The following RGS7 variants were observed in gnomAD, a reference collection of about 807,000 sequenced individuals.
RGS7 encodes the protein regulator of G protein signaling 7.
Under a neutral mutation model 81.1 loss-of-function variants are expected in RGS7, and 27 were observed. That is an observed-to-expected ratio of 0.33 (90% CI 0.25 to 0.46). The LOEUF is 0.46. Among genes scored for constraint, RGS7 ranks in the 20% least tolerant of loss-of-function variants. RGS7 has a pLI of 1.00. For synonymous variants in RGS7, 208 were observed against 207.7 expected, an observed-to-expected ratio of 1.00 and a Z score of -0.01; for missense variants, 396 against 607.4, an observed-to-expected ratio of 0.65 and a Z score of 3.66.
chr1:240,849,660 A>T (rs1337549017), intron 9 of RGS7, among the ~76,000 whole-genome samples: 1 of 151,910 alleles, frequency 6.6e-6, no homozygotes, highest in East Asian at 1.9e-4. Context: ...TGGTTGTTTA[A>T]AAGTGTGTGG....
intron 2 of RGS7, among the ~76,000 whole-genome samples, chr1:241,128,276 C>CAAAA (rs58934562): frequency 8.7e-6 from 1 of 115,236 alleles, no homozygotes; most frequent in African/African-American, 3.1e-5. Flanking sequence ...GACTCCGTCT[C>CAAAA]AAAAAAAAAA....
intron 4 of RGS7, among the ~76,000 whole-genome samples, chr1:240,967,723 C>A (rs187603890): frequency 3.3e-4 from 50 of 152,198 alleles, no homozygotes; most frequent in African/African-American, 1.1e-3. Flanking sequence ...AATGATAAAG[C>A]CAGAGTGGGC....
intron 9 of RGS7, among the ~76,000 whole-genome samples, chr1:240,838,624 A>C (rs1432135268): frequency 6.6e-6 from 1 of 152,142 alleles, no homozygotes; most frequent in Non-Finnish European, 1.5e-5. Context: ...AAGAGCCAAA[A>C]TTTTATTTTC....
At chr1:241,302,870 C>A (rs2079857357) in intron 2 of RGS7, among the ~76,000 whole-genome samples, 1 of 151,602 alleles carries the variant, frequency 6.6e-6, no homozygotes, top group Non-Finnish European at 1.5e-5. Context: ...GCATTCTTTT[C>A]TTTCTTTCTT....
intron 4 of RGS7, among the ~76,000 whole-genome samples, chr1:240,977,804 T>G (rs1176215635): frequency 6.6e-6 from 1 of 152,198 alleles, no homozygotes; most frequent in Non-Finnish European, 1.5e-5. Flanking sequence ...CAAAAACAGC[T>G]GCAGTGGGGC....
chr1:241,034,822 G>C (rs1327486554), intron 3 of RGS7, among the ~76,000 whole-genome samples: 1 of 152,054 alleles, frequency 6.6e-6, no homozygotes, highest in Non-Finnish European at 1.5e-5. Flanking sequence ...CTGAACAATG[G>C]GAAATTTACA....
At chr1:240,934,697 T>C (rs1163445762) in intron 5 of RGS7, among the ~76,000 whole-genome samples, 1 of 152,140 alleles carries the variant, frequency 6.6e-6, no homozygotes, top group Non-Finnish European at 1.5e-5. Flanking sequence ...TATGTATAGA[T>C]AGTTTATTTT....
chr1:241,134,536 G>A (rs2067351916), intron 2 of RGS7, among the ~76,000 whole-genome samples: 1 of 152,196 alleles, frequency 6.6e-6, no homozygotes, highest in Non-Finnish European at 1.5e-5. Context: ...TACTGAATTA[G>A]AAGGAAATCT....
At chr1:240,775,078 T>C (rs528648259), downstream of RGS7, among the ~76,000 whole-genome samples, 1 of 152,310 alleles carries the variant, frequency 6.6e-6, no homozygotes, top group East Asian at 1.9e-4. Flanking sequence ...GAGGTGACTG[T>C]ATTCTCAAAA....
chr1:241,335,764 G>A (rs1228709933), intron 2 of RGS7, among the ~76,000 whole-genome samples: 2 of 152,078 alleles, frequency 1.3e-5, no homozygotes, highest in African/African-American at 4.8e-5. Flanking sequence ...GGGGCTGCAG[G>A]AGAAGCCTTG....
At chr1:241,231,645 C>T (rs1558215771) in intron 2 of RGS7, among the ~76,000 whole-genome samples, 1 of 152,086 alleles carries the variant, frequency 6.6e-6, no homozygotes, top group East Asian at 1.9e-4. Flanking sequence ...AGGCGTGAGC[C>T]ACCATGCCTG....
chr1:241,297,036 C>T (rs934461513), intron 2 of RGS7, among the ~76,000 whole-genome samples: 1 of 151,908 alleles, frequency 6.6e-6, no homozygotes, highest in African/African-American at 2.4e-5. Flanking sequence ...CCTGTAAAGA[C>T]AAACTTGCTG....
chr1:240,946,714 T>G (rs1470860697), intron 4 of RGS7, among the ~76,000 whole-genome samples: 1 of 152,120 alleles, frequency 6.6e-6, no homozygotes, highest in Admixed American at 6.6e-5. Context: ...AGAATTCAAA[T>G]AAATTCTAGG....
chr1:241,276,844 A>G (rs1558265114), intron 2 of RGS7, among the ~76,000 whole-genome samples: 1 of 152,214 alleles, frequency 6.6e-6, no homozygotes, highest in East Asian at 1.9e-4. Flanking sequence ...TCTTGAATAA[A>G]CAAGTCTATT....
chr1:240,948,686 G>T (rs1281944319), intron 4 of RGS7, among the ~76,000 whole-genome samples: 6 of 151,818 alleles, frequency 4.0e-5, no homozygotes, highest in South Asian at 4.1e-4. Flanking sequence ...CAGGTGATCC[G>T]CCTGCCTCAG....
In RGS7 at chr1:240,984,025, C is replaced by A. The variant is rs953362036; in HGVS notation, c.176-896G>T. Among the ~76,000 whole-genome samples, 5 of 151,956 alleles carry A rather than the reference C, an allele frequency of 3.3e-5. No homozygotes were observed. The South Asian group carries it at 6.2e-4, about 19-fold the overall frequency. On this transcript the variant is annotated intron_variant, in intron 3 of 18. Coordinates refer to ENST00000440928, the MANE Select transcript of RGS7 (RefSeq NM_001364886.1). The stretch of plus-strand genomic sequence containing the variant: ...GAAATTTAGTTGCTGAAGGGGCCTA[C>A]GTAAAAACTAAAAGGTGGAAAAGCA...
intron 2 of RGS7, among the ~76,000 whole-genome samples, chr1:241,259,667 A>AAAAAAAAAATATAT: frequency 1.4e-4 from 7 of 49,142 alleles, no homozygotes; most frequent in Admixed American, 3.8e-4. Context: ...AAAAAAAAAA[A>AAAAAAAAAATATAT]ATATATATAT....
intron 5 of RGS7, among the ~76,000 whole-genome samples, chr1:240,935,860 G>A (rs1013350586): frequency 6.6e-6 from 1 of 152,198 alleles, no homozygotes. Flanking sequence ...AAATGGATTA[G>A]AGTTTGACAT....
At chr1:241,012,455 G>A (rs605792) in intron 3 of RGS7, among the ~76,000 whole-genome samples, 107,257 of 151,956 alleles carry the variant, frequency 0.71, 40,794 homozygotes, top group East Asian at 0.86. Context: ...ACAGTGGCAG[G>A]ATAACCAGGA....
Sources: allele counts gnomAD v4.1 joint callset (sites outside exome capture counted in the v4.1 genomes callset), GRCh38; gene constraint gnomAD v4.1.1; transcripts MANE v1.5; gene names NCBI Gene and HGNC (gene_info 2026-07-23, HGNC 2026-07-21).